IL17RC: variants seen among roughly 807,000 people sequenced by gnomAD.
IL17RC encodes the protein interleukin 17 receptor C.
IL17RC carries 53 observed loss-of-function variants against 86.7 expected under a neutral mutation model. The ratio of observed to expected loss-of-function variants is 0.61; its 90% CI spans 0.49 to 0.77. IL17RC has a LOEUF of 0.77. Among genes scored for constraint, IL17RC ranks in the 30% least tolerant of loss-of-function variants. IL17RC has a pLI of 0.00. For missense variants in IL17RC, 957 were observed against 940.0 expected (o/e 1.02, Z -0.24); for synonymous variants, 439 against 413.1 (o/e 1.06, Z -0.76).
chr3:9,917,141 C>G lies in IL17RC; in HGVS notation c.-175C>G. On this transcript the variant is annotated 5_prime_UTR_variant, in exon 1 of 19. Transcript: ENST00000403601. The stretch of plus-strand genomic sequence containing the variant: ...GCTGGAAGTAGGAGGAGAGTCAGGA[C>G]TCCCAGGACAGAGAGTGCACAAACT... 1.7e-6 allele frequency: 1 copy of G among 604,588 alleles called. No individual in the cohort carries two copies. Among genetic ancestry groups the G allele is most frequent in the South Asian group, 2.0e-5 (1 of 49,198 alleles). 37.5% of individuals were successfully genotyped at this position (604,588 alleles called of 1,614,324 possible).
chr3:9,928,518 A>C (rs2084329360), intron 11 of IL17RC, 32 bp downstream of exon 11: 2 of 1,613,658 alleles, frequency 1.2e-6, no homozygotes, highest in Non-Finnish European at 1.7e-6. Flanking sequence ...TCCCGTGGTG[A>C]GGGGAGAGTG....
chr3:9,933,463 A>G lies in IL17RC; in HGVS notation c.2033A>G (p.Gln678Arg), dbSNP rs989923979. The G allele has an allele frequency of 6.2e-7, 1 of 1,612,916 alleles. No homozygotes were observed. Residue 678 changes from glutamine to arginine, a missense_variant, in exon 19 of 19, where the codon CAA becomes CGA. Gln to Arg is a conservative substitution (Grantham distance 43). Transcript: ENST00000403601. ...QPRAPRSGRL[Q>R]ERAEQVSRAL... is the part of the protein sequence containing the mutation. ...CGCGCCCCGCGTTCCGGGCGGCTCC[A>G]AGAGAGAGCGGAGCAAGTGTCCCGG...
Position 9,930,846 on chromosome 3 carries a change from T to C in IL17RC, c.1339-49T>C. ...CAGGCCACCAGAGCTTGGTGAATATTGGAACACCTGGCTGGTGCCCTGGAT... is the reference window on the plus strand; with the variant it reads ...CAGGCCACCAGAGCTTGGTGAATATCGGAACACCTGGCTGGTGCCCTGGAT... On this transcript the variant is annotated intron_variant, in intron 15 of 18. Transcript: ENST00000403601. The surrounding 1 kb of genome is among the most constrained non-coding windows in gnomAD (Gnocchi z 5.8). 1 of 1,555,758 alleles carries C rather than the reference T, an allele frequency of 6.4e-7. No individual in the cohort carries two copies. The highest frequency in any genetic ancestry group is 8.9e-7 in the Non-Finnish European group (1 of 1,126,858).
Position 9,920,966 on chromosome 3 carries a change from T to C in IL17RC, c.619T>C (p.Trp207Arg). ...AGTCTGGAACAGCATCCCGAGCTGC[T>C]GGGGTAGGGGCTAGGGCCAGTGGGC... ...LEVWNSIPSC[W>R]ALPWLNVSAD... The change falls in exon 7 of 19, where the codon TGG (tryptophan) becomes CGG (arginine). Residue 207 changes from tryptophan to arginine, a missense_variant. Transcript: ENST00000403601. 1.3e-6 allele frequency: 2 copies of C among 1,586,656 alleles called. No individual in the cohort carries two copies. Among genetic ancestry groups the C allele is most frequent in the Non-Finnish European group, 1.7e-6 (2 of 1,168,674 alleles).
rs2083860243 is a variant in IL17RC at position 9,924,294 on chromosome 3, A to G, written c.822+3A>G. Reference sequence around the variant, plus strand: ...TGGTTCCCTGCCTCTGTATTCAGGTAGGAGCAGAGTCTAGCTGGGTGCCAG... The same window carrying G: ...TGGTTCCCTGCCTCTGTATTCAGGTGGGAGCAGAGTCTAGCTGGGTGCCAG... On this transcript the variant is annotated splice_donor_region_variant and intron_variant, in intron 9 of 18. Coordinates refer to ENST00000403601, the MANE Select transcript of IL17RC (RefSeq NM_153460.4). 6.2e-7 allele frequency: 1 copy of G among 1,613,722 alleles called. No homozygotes were observed.
At chr3:9,921,952 CTTTTT>C (rs35608782) in intron 7 of IL17RC, among the ~76,000 whole-genome samples, 1 of 88,206 alleles carries the variant, frequency 1.1e-5, no homozygotes, top group African/African-American at 4.8e-5. Context: ...ATGTCCAGTT[CTTTTT>C]TTTTTTTTTT....
rs556262818 is a variant in IL17RC, at chr3:9,933,390, A to T, written c.1960A>T (p.Thr654Ser). The change falls in exon 19 of 19, where the codon ACA becomes TCA. Residue 654 changes from threonine to serine, a missense_variant. By Grantham distance (58) the Thr-to-Ser change is moderately conservative. Coordinates refer to ENST00000403601, the MANE Select transcript of IL17RC (RefSeq NM_153460.4). ...CCTTTTCCGCACCGTGCCCGTCTTC[A>T]CACTGCCCTCCCAACTGCCAGACTT... ...PALFRTVPVFTLPSQLPDFLG... is the reference protein window; with the variant it reads ...PALFRTVPVFSLPSQLPDFLG... 21 of 1,613,032 alleles carry T rather than the reference A, an allele frequency of 1.3e-5. No individual in the cohort carries two copies. In the South Asian group the frequency reaches 2.2e-4, roughly 17 times the overall value.
Position 9,930,083 on chromosome 3 carries a change from G to A in IL17RC, c.1212G>A (p.Gln404=). The part of the protein sequence containing the change: ...DVLLLETRGP[Q]DNRSLCALEP... ...TACTGTTGGAGACACGAGGCCCCCAGGACAACAGATCCCTCTGTGCCTTGG... is the reference window on the plus strand; with the variant it reads ...TACTGTTGGAGACACGAGGCCCCCAAGACAACAGATCCCTCTGTGCCTTGG... The change falls in exon 14 of 19, where the codon CAG becomes CAA. Residue 404 remains glutamine (Q), a synonymous_variant. Coordinates refer to ENST00000403601, the MANE Select transcript of IL17RC (RefSeq NM_153460.4). The surrounding 1 kb of genome is among the most constrained non-coding windows in gnomAD (Gnocchi z 5.8). 1 of 1,614,136 alleles carries A rather than the reference G, an allele frequency of 6.2e-7. No homozygotes were observed.
chr3:9,927,666 C>T (rs144569483), intron 9 of IL17RC, among the ~76,000 whole-genome samples: 1,780 of 152,226 alleles, frequency 0.012, 31 homozygotes, highest in African/African-American at 0.041. Context: ...ATGGGCCAGG[C>T]GCGGTGGCTC....
In IL17RC at chr3:9,921,656, G is replaced by A. The variant is rs546155989; in HGVS notation, c.622+687G>A. ...TTTTTTTTTTTTGAGACAGAGTCTCGCTCTGTCGCTCAGGCTGGAGTGCAG... is the reference window on the plus strand; with the variant it reads ...TTTTTTTTTTTTGAGACAGAGTCTCACTCTGTCGCTCAGGCTGGAGTGCAG... On this transcript the variant is annotated intron_variant, in intron 7 of 18. Transcript: ENST00000403601. 8.4e-5 allele frequency among the ~76,000 whole-genome samples: 12 copies of A among 142,422 alleles called. No individual in the cohort carries two copies. In the South Asian group the frequency reaches 1.6e-3, roughly 19 times the overall value. The allele number at this position is 142,422 out of a possible 152,430, so 93.4% of individuals were successfully genotyped here. A position where few individuals can be genotyped will look rare whatever the true frequency, so the allele number is the denominator to read the frequency against.
In IL17RC at chr3:9,933,359, A is replaced by G. The variant is rs745345902; in HGVS notation, c.1929A>G (p.Val643=). Residue 643 remains valine (V), a synonymous_variant, in exon 19 of 19, where the codon GTA becomes GTG. Transcript: ENST00000403601. ...CFDRLLHPDA[V]PALFRTVPVF... ...ACAGGCTGCTCCACCCGGACGCCGTACCCGCCCTTTTCCGCACCGTGCCCG... is the reference window on the plus strand; with the variant it reads ...ACAGGCTGCTCCACCCGGACGCCGTGCCCGCCCTTTTCCGCACCGTGCCCG... 4 of 1,611,436 alleles carry G rather than the reference A, an allele frequency of 2.5e-6. No individual in the cohort carries two copies. The highest frequency in any genetic ancestry group is 3.4e-6 in the Non-Finnish European group (4 of 1,179,230).
At position 9,933,154 on chromosome 3, in the gene IL17RC, G is replaced by A. The variant is rs2084949245; in HGVS notation, c.1724G>A (p.Gly575Asp). The change falls in exon 19 of 19, where the codon GGC (glycine) becomes GAC (aspartate). Residue 575 changes from glycine (G) to aspartate (D), a missense_variant. Coordinates refer to ENST00000403601, the MANE Select transcript of IL17RC (RefSeq NM_153460.4). ...AQRRQTLQEG[G>D]VVVLLFSPGA... is the part of the protein sequence containing the mutation. ...CGGCGCCAGACCCTGCAGGAGGGCGGCGTGGTGGTCTTGCTCTTCTCTCCC... is the reference window on the plus strand; with the variant it reads ...CGGCGCCAGACCCTGCAGGAGGGCGACGTGGTGGTCTTGCTCTTCTCTCCC... 4.4e-6 allele frequency: 7 copies of A among 1,603,978 alleles called. No homozygotes were observed. Among genetic ancestry groups the A allele is most frequent in the Non-Finnish European group, 5.9e-6 (7 of 1,176,962 alleles).
chr3:9,921,489 C>T (rs1013195697), intron 7 of IL17RC, among the ~76,000 whole-genome samples: 16 of 148,514 alleles, frequency 1.1e-4, no homozygotes, highest in Admixed American at 6.7e-5. Flanking sequence ...AAACAAAAAA[C>T]TTGAAATAAA....
At chr3:9,924,356 G>T in intron 9 of IL17RC, 65 bp downstream of exon 9, 2 of 1,498,812 alleles carry the variant, frequency 1.3e-6, no homozygotes, top group African/African-American at 1.4e-5. Flanking sequence ...GGTGATCCCT[G>T]CCTTCCTGGT....
chr3:9,929,257 T>G (rs144950633), intron 12 of IL17RC: 2 of 153,134 alleles, frequency 1.3e-5, no homozygotes, highest in African/African-American at 4.9e-5. Flanking sequence ...GAGCTTGCAG[T>G]GAGCTGAGAG....
intron 16 of IL17RC, among the ~76,000 whole-genome samples, chr3:9,932,116 G>A (rs2084776123): frequency 6.6e-6 from 1 of 152,178 alleles, no homozygotes; most frequent in Non-Finnish European, 1.5e-5. Flanking sequence ...GAAAACTGAG[G>A]CAGAGGGTGA....
chr3:9,919,892 T>C (rs2083404839), intron 5 of IL17RC, among the ~76,000 whole-genome samples: 1 of 151,406 alleles, frequency 6.6e-6, no homozygotes, highest in Non-Finnish European at 1.5e-5. Context: ...AAAGAAAGAG[T>C]CCTACCATAC....
At chr3:9,931,794 C>T (rs752045301) in intron 16 of IL17RC, among the ~76,000 whole-genome samples, 9 of 151,312 alleles carry the variant, frequency 5.9e-5, no homozygotes, top group South Asian at 4.2e-4. Flanking sequence ...CGTGAGTCAC[C>T]GCACCTGGCC....
Position 9,933,536 on chromosome 3 carries a change from C to T in IL17RC, c.2106C>T (p.Pro702=). 6.2e-7 allele frequency: 1 copy of T among 1,606,162 alleles called. No homozygotes were observed. The highest frequency in any genetic ancestry group is 8.5e-7 in the Non-Finnish European group (1 of 1,176,844). ...GCTACTTCCATCCCCCGGGGACTCCCGCGCCGGGACGCGGGGTGGGACCAG... is the reference window on the plus strand; with the variant it reads ...GCTACTTCCATCCCCCGGGGACTCCTGCGCCGGGACGCGGGGTGGGACCAG... The part of the protein sequence containing the change: ...LDSYFHPPGT[P]APGRGVGPGA... The change falls in exon 19 of 19, where the codon CCC becomes CCT. Residue 702 remains proline, a synonymous_variant. Coordinates refer to ENST00000403601, the MANE Select transcript of IL17RC (RefSeq NM_153460.4).
Sources: gnomAD v4.1 joint callset for allele counts (sites outside exome capture counted in the v4.1 genomes callset) on GRCh38, gnomAD v4.1.1 for gene constraint, Gnocchi (gnomAD v3.1) non-coding constraint, MANE v1.5 for transcripts, NCBI Gene and HGNC (gene_info 2026-07-23, HGNC 2026-07-21) for gene names.